SHANK2: variants seen among roughly 807,000 people sequenced by gnomAD.
SHANK2 encodes the protein SH3 and multiple ankyrin repeat domains protein 2.
In SHANK2, 43 loss-of-function variants were observed where a neutral mutation model predicts 133.7. The observed-to-expected ratio is 0.32, with a 90% CI of 0.25 to 0.41. The LOEUF is 0.41. SHANK2 is among the 10% of genes least tolerant of loss of function. The pLI is 1.00. For synonymous variants in SHANK2, 1,017 were observed against 952.8 expected (o/e 1.07, Z -1.24); for missense variants, 1,994 against 2,235.8 (o/e 0.89, Z 2.18).
intron 14 of SHANK2, among the ~76,000 whole-genome samples, chr11:70,795,574 T>G (rs1471434630): frequency 6.6e-6 from 1 of 151,986 alleles, no homozygotes; most frequent in Non-Finnish European, 1.5e-5. Flanking sequence ...TCCGGCTAAT[T>G]TTTGCATTTT....
rs77081249 is a variant in SHANK2, at chr11:70,857,632, C to G, written c.1175-36950G>C. On this transcript the variant is annotated intron_variant, in intron 11 of 25. Transcript: ENST00000601538. ...GTTGACATACGGGTTCTGCTGCCCACCCCATCATCCTCAGCACTTTAGTTG... is the reference window on the plus strand; with the variant it reads ...GTTGACATACGGGTTCTGCTGCCCAGCCCATCATCCTCAGCACTTTAGTTG... Among the ~76,000 whole-genome samples the G allele has an allele frequency of 3.6e-3, 553 of 152,316 alleles. 6 individuals are homozygous for G. The highest frequency in any genetic ancestry group is 0.013 in the African/African-American group (531 of 41,572).
chr11:70,678,319 A>C (rs1483516334), intron 15 of SHANK2, among the ~76,000 whole-genome samples: 1 of 151,630 alleles, frequency 6.6e-6, no homozygotes, highest in African/African-American at 2.4e-5. Context: ...ATTTTTGTAG[A>C]GATGGGGTCT....
At chr11:70,921,389 G>A (rs181528357) in intron 10 of SHANK2, among the ~76,000 whole-genome samples, 2 of 152,330 alleles carry the variant, frequency 1.3e-5, no homozygotes, top group African/African-American at 2.4e-5. Flanking sequence ...CTTGGGCCAA[G>A]AGCCGATTCC....
At position 71,199,734 on chromosome 11, in the gene SHANK2, C is replaced by T. The variant is rs552004706; in HGVS notation, c.-13+24963G>A. 5.3e-5 allele frequency among the ~76,000 whole-genome samples: 8 copies of T among 152,306 alleles called. No homozygotes were observed. In the East Asian group the frequency reaches 9.7e-4, roughly 18 times the overall value. ...GAAGGAAAGCTGGCCGCACGGACAC[C>T]GCACCCTGCCATAGGGAATCCTAAT... On this transcript the variant is annotated intron_variant, in intron 2 of 25. Coordinates refer to ENST00000601538, the MANE Select transcript of SHANK2 (RefSeq NM_012309.5).
chr11:70,711,667 C>T (rs952859471), intron 14 of SHANK2, among the ~76,000 whole-genome samples: 18 of 152,160 alleles, frequency 1.2e-4, no homozygotes, highest in African/African-American at 3.6e-4. Context: ...GGACCCACCG[C>T]GAGGGGGACA....
intron 10 of SHANK2, among the ~76,000 whole-genome samples, chr11:70,900,371 G>C (rs562983776): frequency 6.6e-6 from 1 of 151,836 alleles, no homozygotes; most frequent in South Asian, 2.1e-4. Flanking sequence ...AAAAAAGTTT[G>C]CTATGATTAG....
intron 2 of SHANK2, among the ~76,000 whole-genome samples, chr11:71,148,521 G>A (rs2135409687): frequency 6.6e-6 from 1 of 152,354 alleles, no homozygotes; most frequent in East Asian, 1.9e-4. Flanking sequence ...ACCCAGGGAT[G>A]GCAGGGACTG....
intron 10 of SHANK2, chr11:70,952,704 G>C (rs1950861858): frequency 2.6e-6 from 1 of 390,306 alleles, no homozygotes; most frequent in Non-Finnish European, 5.5e-6. Flanking sequence ...CTTCAGGGCA[G>C]CACTCTGGGG....
chr11:71,199,290 G>C (rs782160181), intron 2 of SHANK2, among the ~76,000 whole-genome samples: 6 of 152,232 alleles, frequency 3.9e-5, no homozygotes, highest in Non-Finnish European at 7.3e-5. Context: ...ACAGAAGTCA[G>C]CCTCTGCAGA....
At chr11:70,742,752 T>TGCC (rs2134821558) in intron 14 of SHANK2, among the ~76,000 whole-genome samples, 1 of 152,326 alleles carries the variant, frequency 6.6e-6, no homozygotes, top group African/African-American at 2.4e-5. Context: ...GCTGACTGGC[T>TGCC]GCCGGAGATA....
At chr11:71,153,657 G>C (rs531312963) in intron 2 of SHANK2, among the ~76,000 whole-genome samples, 1 of 152,172 alleles carries the variant, frequency 6.6e-6, no homozygotes, top group Non-Finnish European at 1.5e-5. Context: ...CAAAACCTTT[G>C]TAAACACCTT....
intron 10 of SHANK2, among the ~76,000 whole-genome samples, chr11:70,920,467 T>C (rs1310443392): frequency 1.3e-5 from 2 of 152,226 alleles, no homozygotes; most frequent in African/African-American, 2.4e-5. Flanking sequence ...GGAACTTCTT[T>C]GTGTATAACT....
chr11:70,612,155 G>C (rs2136392132), intron 17 of SHANK2, among the ~76,000 whole-genome samples: 1 of 152,264 alleles, frequency 6.6e-6, no homozygotes, highest in Non-Finnish European at 1.5e-5. Context: ...TGCTGGTGGT[G>C]GGGCCCCTGT....
At chr11:70,613,498 C>A (rs536987394) in intron 17 of SHANK2, among the ~76,000 whole-genome samples, 281 of 152,210 alleles carry the variant, frequency 1.8e-3, no homozygotes, top group Non-Finnish European at 3.4e-3. Flanking sequence ...CCGCCGCACC[C>A]GGCCATGTTT....
intron 17 of SHANK2, among the ~76,000 whole-genome samples, chr11:70,581,368 T>A (rs2060182914): frequency 6.6e-6 from 1 of 152,046 alleles, no homozygotes; most frequent in Non-Finnish European, 1.5e-5. Flanking sequence ...TTTTTTTACT[T>A]CTCACCAACA....
chr11:70,490,018 T>G, intron 23 of SHANK2: 1 of 240,310 alleles, frequency 4.2e-6, no homozygotes, highest in East Asian at 9.9e-5. Context: ...CACAGATAAC[T>G]GGGCTTCAAG....
At chr11:71,079,668 G>A (rs1221737271) in intron 8 of SHANK2, among the ~76,000 whole-genome samples, 6 of 151,370 alleles carry the variant, frequency 4.0e-5, no homozygotes, top group South Asian at 4.2e-4. Context: ...GCTGAGGCGG[G>A]AGAATGGCGT....
intron 8 of SHANK2, among the ~76,000 whole-genome samples, chr11:71,091,719 T>A (rs577365141): frequency 6.6e-6 from 1 of 151,484 alleles, no homozygotes; most frequent in East Asian, 2.0e-4. Flanking sequence ...CTTCCCTGAG[T>A]CCTCCCTGAC....
At chr11:71,120,706 C>T (rs1444495051) in intron 3 of SHANK2, among the ~76,000 whole-genome samples, 1 of 152,330 alleles carries the variant, frequency 6.6e-6, no homozygotes, top group Non-Finnish European at 1.5e-5. Context: ...CCTCCCCCAT[C>T]CTTGGCTAAG....
Sources: allele counts gnomAD v4.1 joint callset (sites outside exome capture counted in the v4.1 genomes callset), GRCh38; gene constraint gnomAD v4.1.1; transcripts MANE v1.5; gene names NCBI Gene and HGNC (gene_info 2026-07-23, HGNC 2026-07-21).